ANKLE2: variants seen among roughly 807,000 people sequenced by gnomAD.
ANKLE2 encodes the protein ankyrin repeat and LEM domain containing 2, also known as ankyrin repeat and LEM domain-containing protein 2.
A neutral mutation model predicts 84.2 loss-of-function variants in ANKLE2; 55 were observed. The ratio of observed to expected loss-of-function variants is 0.65; its 90% CI spans 0.53 to 0.82. ANKLE2 has a LOEUF of 0.82. ANKLE2 is among the 40% of genes least tolerant of loss of function. ANKLE2 has a pLI of 0.00. For synonymous variants in ANKLE2, 551 were observed against 486.1 expected (o/e 1.13, Z -1.76); for missense variants, 1,238 against 1,201.9 (o/e 1.03, Z -0.44).
chr12:132,729,957 C>G lies in ANKLE2; in HGVS notation c.2205G>C (p.Glu735Asp), dbSNP rs1237493857. The change falls in exon 11 of 13, where the codon GAG becomes GAC. Residue 735 changes from glutamate to aspartate, a missense_variant. Physicochemically the swap from Glu to Asp is conservative, Grantham distance 45. Around this residue, in one of 3 missense-constraint regions of ANKLE2, gnomAD observed 802 missense variants for 774.5 expected, o/e 1.04. Coordinates refer to ENST00000357997, the MANE Select transcript of ANKLE2 (RefSeq NM_015114.3). Reference protein sequence around the residue: ...HLPPVSDLTVEFDKLNLQNIG... With the variant: ...HLPPVSDLTVDFDKLNLQNIG... ...TATTTTGCAAATTCAGTTTATCAAA[C>G]TCAACAGTCAAATCCGAGACAGGTG... 6.2e-7 allele frequency: 1 copy of G among 1,613,376 alleles called. No individual in the cohort carries two copies. Among genetic ancestry groups the G allele is most frequent in the Non-Finnish European group, 8.5e-7 (1 of 1,179,940 alleles).
chr12:132,737,074 G>A lies in ANKLE2; in HGVS notation c.1421-9C>T, dbSNP rs1321217851. On this transcript the variant is annotated splice_polypyrimidine_tract_variant and intron_variant, in intron 7 of 12. Transcript: ENST00000357997. ...GGGCACGTAGTAGTGGCCTGAGGGAGGAGACAGGCACTGGCTGCAGGCTTC... is the reference window on the plus strand; with the variant it reads ...GGGCACGTAGTAGTGGCCTGAGGGAAGAGACAGGCACTGGCTGCAGGCTTC... 6.3e-7 allele frequency: 1 copy of A among 1,584,124 alleles called. No individual in the cohort carries two copies. Among genetic ancestry groups the A allele is most frequent in the South Asian group, 1.1e-5 (1 of 88,920 alleles).
chr12:132,737,986 G>C (rs772075376), intron 7 of ANKLE2: 1 of 152,324 alleles, frequency 6.6e-6, no homozygotes, highest in Admixed American at 6.5e-5. Context: ...ACTGCTGGAT[G>C]CAAGTGATCA....
chr12:132,761,034 T>A (rs1170132861), intron 1 of ANKLE2: 2 of 152,268 alleles, frequency 1.3e-5, no homozygotes, highest in African/African-American at 4.8e-5. Flanking sequence ...AATACACAGT[T>A]CACTGTATCA....
At chr12:132,730,758 T>A (rs2043826593) in intron 10 of ANKLE2, 1 of 157,904 alleles carries the variant, frequency 6.3e-6, no homozygotes, top group African/African-American at 2.4e-5. Context: ...GAGGCTGCAG[T>A]GGGCTGTGAC....
chr12:132,743,223 GACT>G lies in ANKLE2; in HGVS notation c.1281_1283del (p.Val428del). On this transcript the variant is annotated inframe_deletion, in exon 6 of 13. Transcript: ENST00000357997. This position sits in a 1 kb window ranked among gnomAD's most constrained non-coding sequence, Gnocchi z 4.1. The stretch of plus-strand genomic sequence containing the variant: ...TCAAATGGTGTGACGAAAGCACGTT[GACT>G]ACATCTGCATTTCCAAACTTACAAG... The G allele has an allele frequency of 6.2e-7, 1 of 1,611,952 alleles. No individual in the cohort carries two copies. The highest frequency in any genetic ancestry group is 8.5e-7 in the Non-Finnish European group (1 of 1,179,060).
intron 2 of ANKLE2, among the ~76,000 whole-genome samples, chr12:132,751,756 T>G (rs1269466198): frequency 6.6e-6 from 1 of 152,006 alleles, no homozygotes; most frequent in Non-Finnish European, 1.5e-5. Flanking sequence ...TTGGCCAGGC[T>G]AGTCTTGAAC....
At position 132,726,525 on chromosome 12, in the gene ANKLE2, C is replaced by T. The variant is rs1344373145; in HGVS notation, c.*717G>A. On this transcript the variant is annotated 3_prime_UTR_variant, in exon 13 of 13. Transcript: ENST00000357997. ...TCACGTGCTGAGGAAACAGGGAACA[C>T]CTTGGCGCCGCTGCTGAGCTCTGTG... 3.3e-5 allele frequency: 5 copies of T among 152,234 alleles called. No individual in the cohort carries two copies. The highest frequency in any genetic ancestry group is 3.3e-4 in the Admixed American group (5 of 15,280). 9.4% of individuals were successfully genotyped at this position (152,234 alleles called of 1,614,324 possible).
At chr12:132,754,632 A>G (rs1351746823) in intron 2 of ANKLE2, 43 bp downstream of exon 2, 3 of 1,534,592 alleles carry the variant, frequency 2.0e-6, no homozygotes, top group East Asian at 2.3e-5. Flanking sequence ...CCCTCCGCGT[A>G]TGTGCTATCT....
chr12:132,745,043 G>C (rs889446192), intron 5 of ANKLE2: 1 of 152,348 alleles, frequency 6.6e-6, no homozygotes. Context: ...AGCAGAGGCA[G>C]CTCCCGGGCA....
At chr12:132,740,347 T>G (rs10870505) in intron 7 of ANKLE2, among the ~76,000 whole-genome samples, 47,375 of 152,090 alleles carry the variant, frequency 0.31, 8,732 homozygotes, top group Non-Finnish European at 0.42. Context: ...TAGATCACGC[T>G]TGGTAAACTT....
intron 8 of ANKLE2, 42 bp downstream of exon 8, chr12:132,736,851 G>A (rs2044019243): frequency 1.3e-6 from 2 of 1,564,840 alleles, no homozygotes; most frequent in East Asian, 4.5e-5. Context: ...ACAGTATAGG[G>A]ACAGCCAGGC....
rs1265639234 is a variant in ANKLE2 at position 132,726,510 on chromosome 12, AG to A, written c.*731del. On this transcript the variant is annotated 3_prime_UTR_variant, in exon 13 of 13. Transcript: ENST00000357997. ...GCAGGCGGTGAAGGCTCACGTGCTG[AG>A]GAAACAGGGAACACCTTGGCGCCGC... 1 of 152,248 alleles carries A rather than the reference AG, an allele frequency of 6.6e-6. No individual in the cohort carries two copies. Among genetic ancestry groups the A allele is most frequent in the Non-Finnish European group, 1.5e-5 (1 of 68,080 alleles). 9.4% of individuals were successfully genotyped at this position (152,248 alleles called of 1,614,324 possible).
rs775968118 is a variant in ANKLE2, at chr12:132,737,077, G to A, written c.1421-12C>T. On this transcript the variant is annotated splice_polypyrimidine_tract_variant and intron_variant, in intron 7 of 12. Coordinates refer to ENST00000357997, the MANE Select transcript of ANKLE2 (RefSeq NM_015114.3). ...CACGTAGTAGTGGCCTGAGGGAGGA[G>A]ACAGGCACTGGCTGCAGGCTTCCGC... 2 of 1,581,256 alleles carry A rather than the reference G, an allele frequency of 1.3e-6. No homozygotes were observed. Among genetic ancestry groups the A allele is most frequent in the Admixed American group, 1.7e-5 (1 of 58,132 alleles).
intron 10 of ANKLE2, chr12:132,733,963 C>A (rs2043950433): frequency 4.4e-6 from 2 of 457,786 alleles, no homozygotes; most frequent in Non-Finnish European, 8.8e-6. Context: ...TTTTCATGTA[C>A]CCTCCCCGAC....
chr12:132,754,647 G>T (rs111699942), intron 2 of ANKLE2, 28 bp downstream of exon 2: 1 of 1,567,816 alleles, frequency 6.4e-7, no homozygotes, highest in East Asian at 2.3e-5. Context: ...CTATCTGTGT[G>T]AGGAAATCCT....
chr12:132,731,358 CAG>C (rs1229669832), intron 10 of ANKLE2: 1 of 152,222 alleles, frequency 6.6e-6, no homozygotes, highest in African/African-American at 2.4e-5. Context: ...TTCTGTGGTT[CAG>C]AGTCACAGGT....
In ANKLE2 at chr12:132,743,159, C is replaced by T. The variant is rs888313236; in HGVS notation, c.1348G>A (p.Glu450Lys). Residue 450 changes from glutamate to lysine, a missense_variant, in exon 6 of 13, where the codon GAA becomes AAA. By Grantham distance (56) the Glu-to-Lys change is moderately conservative. Transcript: ENST00000357997. This position sits in a 1 kb window ranked among gnomAD's most constrained non-coding sequence, Gnocchi z 4.1. ...NSRNKYDKTPEDVICERSKNK... is the reference protein window; with the variant it reads ...NSRNKYDKTPKDVICERSKNK... The stretch of plus-strand genomic sequence containing the variant: ...GCATTGTAATAAGTACTTACATCTT[C>T]AGGTGTTTTATCATATTTATTCCTT... The T allele has an allele frequency of 1.2e-6, 2 of 1,604,146 alleles. No homozygotes were observed. Among genetic ancestry groups the T allele is most frequent in the Non-Finnish European group, 1.7e-6 (2 of 1,174,084 alleles).
intron 12 of ANKLE2, 66 bp from the exon 13 acceptor site, chr12:132,727,509 G>C: frequency 7.1e-7 from 1 of 1,402,416 alleles, no homozygotes; most frequent in East Asian, 3.1e-5. Context: ...GCAAAAGTCG[G>C]AGAATAATGG....
In ANKLE2 at chr12:132,755,339, T is replaced by C. The variant is rs531032967; in HGVS notation, c.182-206A>G. On this transcript the variant is annotated intron_variant, in intron 1 of 12. Transcript: ENST00000357997. ...CGGGCGGATCATCTGAGGTCAGGAG[T>C]TCGAGACCAGCCCGGCCAACATGGT... 2,837 of 492,332 alleles carry C rather than the reference T, an allele frequency of 5.8e-3. 31 individuals carry two copies. Among genetic ancestry groups the C allele is most frequent in the Non-Finnish European group, 7.8e-3 (2,188 of 280,514 alleles). 30.5% of individuals were successfully genotyped at this position (492,332 alleles called of 1,614,324 possible).
Sources: gnomAD v4.1 joint callset for allele counts (sites outside exome capture counted in the v4.1 genomes callset) on GRCh38, gnomAD v4.1.1 for gene constraint, gnomAD v4.1.1 regional missense constraint, Gnocchi (gnomAD v3.1) non-coding constraint, MANE v1.5 for transcripts, NCBI Gene and HGNC (gene_info 2026-07-23, HGNC 2026-07-21) for gene names.